Variants in CCDC178 observed in about 807,000 individuals in gnomAD.
CCDC178 encodes coiled-coil domain-containing protein 178.
CCDC178 carries 126 observed loss-of-function variants against 117.4 expected under a neutral mutation model. The observed-to-expected ratio is 1.07, with a 90% CI of 0.93 to 1.24. The LOEUF (loss-of-function observed/expected upper bound fraction) is 1.24, where lower values mean the gene tolerates loss of function less well. CCDC178 is among the 50% of genes most tolerant of loss of function. The pLI is 0.00. For missense variants in CCDC178, 1,030 were observed against 986.9 expected (o/e 1.04, Z -0.59); for synonymous variants, 283 against 313.4 (o/e 0.90, Z 1.02).
At chr18:33,023,557 G>A (rs2056164909) in intron 21 of CCDC178, among the ~76,000 whole-genome samples, 1 of 152,104 alleles carries the variant, frequency 6.6e-6, no homozygotes, top group Non-Finnish European at 1.5e-5. Flanking sequence ...AAATTTGTTA[G>A]ATACATCTAA....
intron 20 of CCDC178, among the ~76,000 whole-genome samples, chr18:33,206,230 T>C (rs1177538308): frequency 6.6e-6 from 1 of 152,182 alleles, no homozygotes; most frequent in Admixed American, 6.5e-5. Context: ...ATATTTAAAT[T>C]GCCTAAATTG....
chr18:32,938,130 T>C, intron 22 of CCDC178, 39 bp from the exon 23 acceptor site: 1 of 1,352,626 alleles, frequency 7.4e-7, no homozygotes, highest in Admixed American at 1.7e-5. Flanking sequence ...CAATAAGTAC[T>C]CATTAATTAA....
At chr18:33,352,802 G>A (rs764418580) in intron 7 of CCDC178, among the ~76,000 whole-genome samples, 20 of 151,704 alleles carry the variant, frequency 1.3e-4, no homozygotes, top group Non-Finnish European at 1.8e-4. Context: ...GATCTTTTTC[G>A]TTTCATTGAG....
At chr18:33,195,219 A>G (rs773241915) in intron 20 of CCDC178, among the ~76,000 whole-genome samples, 1 of 152,144 alleles carries the variant, frequency 6.6e-6, no homozygotes, top group African/African-American at 2.4e-5. Context: ...AGTAAAATAT[A>G]TAACTCCAGA....
chr18:33,377,394 G>T (rs1477251558), intron 5 of CCDC178, among the ~76,000 whole-genome samples: 1 of 141,868 alleles, frequency 7.0e-6, no homozygotes, highest in African/African-American at 2.5e-5. Flanking sequence ...TCTGTAGGTT[G>T]CCTGTTTACT....
chr18:33,391,776 A>C lies in CCDC178; in HGVS notation c.119-2147T>G, dbSNP rs138257312. ...AATACATTCAGAACTTAAATGTTTA[A>C]TTGTAAATAAATACCATTTAAAATA... On this transcript the variant is annotated intron_variant, in intron 4 of 22. Transcript: ENST00000383096. Among the ~76,000 whole-genome samples the C allele has an allele frequency of 1.4e-3, 209 of 152,328 alleles. 1 individual carries two copies. The highest frequency in any genetic ancestry group is 4.7e-3 in the African/African-American group (194 of 41,578).
At chr18:33,237,663 C>T (rs754301046) in intron 15 of CCDC178, among the ~76,000 whole-genome samples, 9 of 151,906 alleles carry the variant, frequency 5.9e-5, no homozygotes, top group South Asian at 2.1e-4. Flanking sequence ...TCCAGGCCAG[C>T]GAGGAAACCA....
chr18:33,349,017 A>G, intron 7 of CCDC178, 42 bp from the exon 8 acceptor site: 1 of 1,315,546 alleles, frequency 7.6e-7, no homozygotes, highest in East Asian at 2.3e-5. Flanking sequence ...AAGTACTTAA[A>G]GTTAGTAAAA....
chr18:33,400,012 G>T (rs1354167285), intron 3 of CCDC178, among the ~76,000 whole-genome samples: 1 of 151,910 alleles, frequency 6.6e-6, no homozygotes, highest in East Asian at 1.9e-4. Context: ...TGTGTAGGCA[G>T]GTATGAAAAC....
intron 11 of CCDC178, among the ~76,000 whole-genome samples, chr18:33,306,451 C>CGTGTGTGTGTGT (rs2062251369): frequency 2.3e-5 from 1 of 42,608 alleles, no homozygotes; most frequent in Non-Finnish European, 5.2e-5. Flanking sequence ...TGTGTGTGTA[C>CGTGTGTGTGTGT]ATATGGTTAT....
chr18:32,949,951 G>A (rs1197268834), intron 22 of CCDC178, among the ~76,000 whole-genome samples: 2 of 152,046 alleles, frequency 1.3e-5, no homozygotes, highest in Non-Finnish European at 1.5e-5. Context: ...GTTAGCATAC[G>A]GCTAATTAAT....
intron 15 of CCDC178, among the ~76,000 whole-genome samples, chr18:33,239,681 T>C (rs755697439): frequency 2.0e-5 from 3 of 151,862 alleles, no homozygotes; most frequent in Non-Finnish European, 2.9e-5. Context: ...CTCACATATA[T>C]ACCTAATGCC....
intron 18 of CCDC178, 146 bp downstream of exon 18, chr18:33,222,960 G>C (rs1355583628): frequency 1.7e-6 from 1 of 576,918 alleles, no homozygotes; most frequent in East Asian, 3.0e-5. Flanking sequence ...GTGTGTGTGT[G>C]AGTGTGTGCG....
intron 5 of CCDC178, among the ~76,000 whole-genome samples, chr18:33,384,440 A>G (rs1416479853): frequency 6.6e-6 from 1 of 152,148 alleles, no homozygotes; most frequent in African/African-American, 2.4e-5. Flanking sequence ...AATCAAGGAA[A>G]AAATGTTAAG....
chr18:33,236,905 C>T (rs529849675), intron 15 of CCDC178, among the ~76,000 whole-genome samples: 2 of 152,272 alleles, frequency 1.3e-5, no homozygotes, highest in Non-Finnish European at 2.9e-5. Context: ...CATCAGCCCC[C>T]ACTGCCACTG....
intron 20 of CCDC178, among the ~76,000 whole-genome samples, chr18:33,171,081 C>T (rs1485647123): frequency 6.6e-6 from 1 of 151,974 alleles, no homozygotes; most frequent in Non-Finnish European, 1.5e-5. Flanking sequence ...CATCCTGAGA[C>T]AGGATTGAAA....
intron 20 of CCDC178, among the ~76,000 whole-genome samples, chr18:33,183,003 AT>A (rs1270334553): frequency 1.3e-5 from 2 of 151,992 alleles, no homozygotes; most frequent in Non-Finnish European, 2.9e-5. Flanking sequence ...TCTCTAAAGA[AT>A]TTATTTTTCT....
At chr18:32,956,603 C>T (rs1356899329) in intron 22 of CCDC178, 1 of 152,180 alleles carries the variant, frequency 6.6e-6, no homozygotes, top group East Asian at 1.9e-4. Context: ...AATTTATCTA[C>T]AAAATGGACC....
At chr18:33,379,139 C>CAT (rs201039050) in intron 5 of CCDC178, among the ~76,000 whole-genome samples, 1 of 8,372 alleles carries the variant, frequency 1.2e-4, no homozygotes, top group African/African-American at 2.1e-4. Context: ...TATATATTTC[C>CAT]ATATATATAT....
Sources: allele counts gnomAD v4.1 joint callset (sites outside exome capture counted in the v4.1 genomes callset), GRCh38; gene constraint gnomAD v4.1.1; transcripts MANE v1.5; gene names NCBI Gene and HGNC (gene_info 2026-07-23, HGNC 2026-07-21).